Variants in ZFAT observed in about 807,000 individuals in gnomAD.
The protein encoded by ZFAT is zinc finger protein ZFAT.
A neutral mutation model predicts 117.7 loss-of-function variants in ZFAT; 64 were observed. The observed-to-expected ratio is 0.54, with a 90% confidence interval of 0.44 to 0.67. The LOEUF is 0.67. Among genes scored for constraint, ZFAT ranks in the 30% least tolerant of loss-of-function variants. The pLI is 0.00. For synonymous variants in ZFAT, 679 were observed against 615.0 expected (o/e 1.10, Z -1.54); for missense variants, 1,433 against 1,584.5 (o/e 0.90, Z 1.62).
chr8:134,480,762 C>T (rs1486704899), intron 15 of ZFAT, among the ~76,000 whole-genome samples: 1 of 152,196 alleles, frequency 6.6e-6, no homozygotes, highest in Non-Finnish European at 1.5e-5. Context: ...TCCTGGCCTG[C>T]AAATTGGCAT....
the ZFAT span, among the ~76,000 whole-genome samples, chr8:134,762,966 T>G: frequency 2.0e-5 from 3 of 152,142 alleles, no homozygotes; most frequent in African/African-American, 7.2e-5. Flanking sequence ...CTTCCTCCCC[T>G]GTCTAAGCCA....
chr8:134,699,177 C>A (rs1039947234), intron 1 of ZFAT, among the ~76,000 whole-genome samples: 2 of 152,144 alleles, frequency 1.3e-5, no homozygotes, highest in African/African-American at 2.4e-5. Flanking sequence ...AGGGTCCACA[C>A]CTGAGAGCAG....
At chr8:134,755,817 CAAAAAAAAA>C in the ZFAT span, among the ~76,000 whole-genome samples, 3,613 of 90,096 alleles carry the variant, frequency 0.04, 196 homozygotes, top group African/African-American at 0.14. Flanking sequence ...GACTCCATCT[CAAAAAAAAA>C]AAAAAAAAAA....
chr8:134,768,408 T>C, the ZFAT span, among the ~76,000 whole-genome samples: 3 of 152,198 alleles, frequency 2.0e-5, no homozygotes, highest in Admixed American at 2.0e-4. Context: ...TGCCCTCTTC[T>C]CAGGCCTCTC....
intron 11 of ZFAT, among the ~76,000 whole-genome samples, chr8:134,542,363 G>C (rs1219712062): frequency 2.0e-5 from 3 of 152,182 alleles, no homozygotes; most frequent in Non-Finnish European, 4.4e-5. Flanking sequence ...TGGGTAAATT[G>C]CATGTCACAG....
At chr8:134,480,258 G>A (rs561967969) in intron 15 of ZFAT, among the ~76,000 whole-genome samples, 7 of 152,210 alleles carry the variant, frequency 4.6e-5, no homozygotes, top group African/African-American at 9.6e-5. Context: ...CACTACACCC[G>A]GCCTCAACCA....
At position 134,577,203 on chromosome 8, in the gene ZFAT, C is replaced by A. The variant is rs371349218; in HGVS notation, c.2887+6629G>T. Among the ~76,000 whole-genome samples, 9 of 152,344 alleles carry A rather than the reference C, an allele frequency of 5.9e-5. No individual in the cohort carries two copies. The East Asian group carries it at 1.2e-3, about 20-fold the overall frequency. On this transcript the variant is annotated intron_variant, in intron 10 of 15. Transcript: ENST00000377838. Reference sequence around the variant, plus strand: ...AATCGAGCCCTTTATAGATCAATTTCTCTCTTTGTACATATTGACTGGCAA... The same window carrying A: ...AATCGAGCCCTTTATAGATCAATTTATCTCTTTGTACATATTGACTGGCAA...
chr8:134,655,850 C>T (rs2131195855), intron 2 of ZFAT, among the ~76,000 whole-genome samples: 1 of 151,650 alleles, frequency 6.6e-6, no homozygotes, highest in East Asian at 2.0e-4. Flanking sequence ...CATATACATT[C>T]AACCCCAGAG....
intron 1 of ZFAT, among the ~76,000 whole-genome samples, chr8:134,679,047 A>C (rs1832938934): frequency 6.6e-6 from 1 of 152,252 alleles, no homozygotes; most frequent in Non-Finnish European, 1.5e-5. Context: ...TCATGACTAA[A>C]ACACCAAAAG....
Position 134,658,962 on chromosome 8 carries a change from G to A in ZFAT, c.20-1225C>T, listed in dbSNP as rs575099182. 1.1e-4 allele frequency among the ~76,000 whole-genome samples: 16 copies of A among 152,310 alleles called. No individual in the cohort carries two copies. In the South Asian group the frequency reaches 3.3e-3, roughly 32 times the overall value. On this transcript the variant is annotated intron_variant, in intron 1 of 15. Coordinates refer to ENST00000377838, the MANE Select transcript of ZFAT (RefSeq NM_020863.4). ...CACTCAGAAAGCACAACACTGACTC[G>A]GCGCAACTCTGCACCCATGGTGTGC...
intron 14 of ZFAT, chr8:134,511,036 G>A (rs1457155323): frequency 6.6e-6 from 1 of 152,372 alleles, no homozygotes; most frequent in Non-Finnish European, 1.5e-5. Flanking sequence ...ATACCCCAGG[G>A]AGCACTGGAG....
At chr8:134,679,758 T>TA (rs574339515) in intron 1 of ZFAT, among the ~76,000 whole-genome samples, 37 of 151,984 alleles carry the variant, frequency 2.4e-4, no homozygotes, top group Non-Finnish European at 1.5e-5. Context: ...TATGCAGCCA[T>TA]AAAAAAAGGA....
At chr8:134,651,977 A>G (rs1831272152) in intron 2 of ZFAT, among the ~76,000 whole-genome samples, 1 of 152,030 alleles carries the variant, frequency 6.6e-6, no homozygotes, top group Admixed American at 6.5e-5. Context: ...AAATGAAAAA[A>G]AAAAGCCAAC....
the ZFAT span, among the ~76,000 whole-genome samples, chr8:134,744,370 A>C: frequency 6.8e-6 from 1 of 146,840 alleles, no homozygotes; most frequent in Non-Finnish European, 1.5e-5. Flanking sequence ...ATCTTGGCTC[A>C]CGGCAACCTC....
At chr8:134,720,945 A>T in the ZFAT span, among the ~76,000 whole-genome samples, 2 of 152,222 alleles carry the variant, frequency 1.3e-5, no homozygotes, top group East Asian at 3.8e-4. Context: ...GAGGGCATGA[A>T]TAAGAACCCT....
the ZFAT span, among the ~76,000 whole-genome samples, chr8:134,759,733 T>C: frequency 6.6e-6 from 1 of 151,940 alleles, no homozygotes; most frequent in South Asian, 2.1e-4. Flanking sequence ...CCCTGAAATT[T>C]GGGCGGCTGA....
chr8:134,600,400 G>T, intron 7 of ZFAT, 36 bp downstream of exon 7: 1 of 1,573,550 alleles, frequency 6.4e-7, no homozygotes, highest in South Asian at 1.1e-5. Flanking sequence ...TGAGCACCCA[G>T]GGGAGACGGG....
the ZFAT span, among the ~76,000 whole-genome samples, chr8:134,787,309 C>T: frequency 3.9e-5 from 6 of 152,200 alleles, no homozygotes; most frequent in East Asian, 1.2e-3. Context: ...TATTTCCTTT[C>T]GCATTTAAAC....
chr8:134,714,114 C>G (rs1045104969), upstream of ZFAT, among the ~76,000 whole-genome samples: 2 of 140,480 alleles, frequency 1.4e-5, no homozygotes, highest in African/African-American at 2.6e-5. Context: ...CATGCCCCCC[C>G]CCCCCCAAAA....
Sources: allele counts gnomAD v4.1 joint callset (sites outside exome capture counted in the v4.1 genomes callset), GRCh38; gene constraint gnomAD v4.1.1; transcripts MANE v1.5; gene names NCBI Gene and HGNC (gene_info 2026-07-23, HGNC 2026-07-21).